Variants in DYNC2LI1 observed in about 807,000 individuals in gnomAD.
DYNC2LI1 encodes cytoplasmic dynein 2 light intermediate chain 1.
A neutral mutation model predicts 51.9 loss-of-function variants in DYNC2LI1; 45 were observed. The ratio of observed to expected loss-of-function variants is 0.87; its 90% CI spans 0.68 to 1.11. The LOEUF is 1.11. Ranked by LOEUF, DYNC2LI1 falls within the 50% of genes most tolerant of loss-of-function variation. The pLI is 0.00. For synonymous variants in DYNC2LI1, 130 were observed against 137.8 expected (o/e 0.94, Z 0.40); for missense variants, 490 against 417.4 (o/e 1.17, Z -1.51).
intron 2 of DYNC2LI1, among the ~76,000 whole-genome samples, chr2:43,782,009 CTA>C (rs1448774530): frequency 3.2e-5 from 4 of 126,680 alleles, no homozygotes; most frequent in South Asian, 2.4e-4. Flanking sequence ...TTGTTTCTGT[CTA>C]TGTGTGTGTG....
rs370968229 is a variant in DYNC2LI1 at position 43,783,500 on chromosome 2, C to G, written c.127-20C>G. 131 of 1,523,158 alleles carry G rather than the reference C, an allele frequency of 8.6e-5. No individual in the cohort carries two copies. The African/African-American group carries it at 1.7e-3, about 19-fold the overall frequency. The allele number at this position is 1,523,158 out of a possible 1,614,324, so 94.4% of individuals were successfully genotyped here. A position where few individuals can be genotyped will look rare whatever the true frequency, so the allele number is the denominator to read the frequency against. On this transcript the variant is annotated intron_variant, in intron 2 of 12. Coordinates refer to ENST00000260605, the MANE Select transcript of DYNC2LI1 (RefSeq NM_016008.4). ...ATATGAGTGACATTAACGCAGTGTTCCTTCTTTTTTAATTTCCAGGGAAAG... is the reference window on the plus strand; with the variant it reads ...ATATGAGTGACATTAACGCAGTGTTGCTTCTTTTTTAATTTCCAGGGAAAG...
chr2:43,790,840 A>G (rs753884644), intron 5 of DYNC2LI1, among the ~76,000 whole-genome samples: 43 of 152,294 alleles, frequency 2.8e-4, no homozygotes, highest in Non-Finnish European at 4.9e-4. Context: ...TTACAGTTAT[A>G]TAGTTTTTCA....
chr2:43,826,353 A>G, the DYNC2LI1 span: 9 of 1,612,508 alleles, frequency 5.6e-6, no homozygotes, highest in African/African-American at 1.3e-5. Context: ...CACACCATAG[A>G]CCCGGCCTTT....
At position 43,787,049 on chromosome 2, in the gene DYNC2LI1, C is replaced by T. The variant is rs867447311; in HGVS notation, c.162-132C>T. The T allele has an allele frequency of 1.2e-4, 70 of 605,598 alleles. No homozygotes were observed. The South Asian group carries it at 1.3e-3, about 11-fold the overall frequency. 37.5% of individuals were successfully genotyped at this position (605,598 alleles called of 1,614,324 possible). On this transcript the variant is annotated intron_variant, in intron 3 of 12. Coordinates refer to ENST00000260605, the MANE Select transcript of DYNC2LI1 (RefSeq NM_016008.4). ...TTTCTTTTGTGAATATAATTTATTTCAACGCTATTATACAAGGTAACTTCT... is the reference window on the plus strand; with the variant it reads ...TTTCTTTTGTGAATATAATTTATTTTAACGCTATTATACAAGGTAACTTCT...
In DYNC2LI1 at chr2:43,805,167, T is replaced by C. The variant is rs773067863; in HGVS notation, c.914T>C (p.Leu305Pro). The C allele has an allele frequency of 2.9e-5, 46 of 1,609,886 alleles. No homozygotes were observed. The highest frequency in any genetic ancestry group is 3.9e-5 in the Non-Finnish European group (46 of 1,177,350). The change falls in exon 12 of 13, where the codon CTG becomes CCG. Residue 305 changes from leucine (L) to proline (P), a missense_variant. Physicochemically the swap from Leu to Pro is moderately conservative, Grantham distance 98 (BLOSUM62 -3). Transcript: ENST00000260605. The stretch of plus-strand genomic sequence containing the variant: ...TTGTAATTTCAGAGTATTAACACGC[T>C]GAAAGATATCAAGGACCCTGCGAGA... ...KLFPPKSINT[L>P]KDIKDPARDP...
the DYNC2LI1 span, chr2:43,825,075 A>C: frequency 1.2e-6 from 2 of 1,600,038 alleles, no homozygotes; most frequent in Non-Finnish European, 1.7e-6. Flanking sequence ...ATGCACTTTG[A>C]ATGTCTCTGG....
At chr2:43,792,816 G>C (rs1377606493) in intron 5 of DYNC2LI1, 3 of 1,518,980 alleles carry the variant, frequency 2.0e-6, no homozygotes, top group Non-Finnish European at 2.6e-6. Context: ...TCCGTTTGTA[G>C]TATGTGTCAG....
the DYNC2LI1 span, chr2:43,824,838 T>G: frequency 1.9e-6 from 3 of 1,608,210 alleles, no homozygotes; most frequent in East Asian, 4.5e-5. Flanking sequence ...AAGTCTGAGA[T>G]GAGAAAGTTT....
At chr2:43,825,035 C>T in the DYNC2LI1 span, 222 of 1,612,800 alleles carry the variant, frequency 1.4e-4, 1 homozygote, top group Middle Eastern at 6.6e-4. Context: ...AGACAACAGA[C>T]GTAGTTAGTG....
chr2:43,774,927 A>C (rs1323753744), intron 1 of DYNC2LI1, among the ~76,000 whole-genome samples: 1 of 152,238 alleles, frequency 6.6e-6, no homozygotes, highest in Non-Finnish European at 1.5e-5. Flanking sequence ...AATGAAGAGC[A>C]AACAGCCCGA....
intron 6 of DYNC2LI1, 145 bp from the exon 7 acceptor site, chr2:43,795,745 A>C (rs1674005674): frequency 1.6e-6 from 1 of 640,222 alleles, no homozygotes; most frequent in African/African-American, 1.9e-5. Flanking sequence ...TGAAAGTTAA[A>C]TATTAGAACA....
At chr2:43,788,312 T>C (rs1229694232) in intron 4 of DYNC2LI1, among the ~76,000 whole-genome samples, 6 of 152,178 alleles carry the variant, frequency 3.9e-5, no homozygotes, top group Non-Finnish European at 5.9e-5. Flanking sequence ...AAATCCAAAA[T>C]AATATATATT....
chr2:43,809,422 GAC>G (rs2104729354), intron 12 of DYNC2LI1, among the ~76,000 whole-genome samples: 1 of 152,318 alleles, frequency 6.6e-6, no homozygotes, highest in Admixed American at 6.5e-5. Flanking sequence ...TTAGTTGAAA[GAC>G]AATTCATATG....
Position 43,789,707 on chromosome 2 carries a change from A to G in DYNC2LI1, c.306A>G (p.Thr102=). The part of the protein sequence containing the change: ...SLLDLISIPI[T]GDTLRTFSLV... ...TGGACTTAATCAGCATACCCATCACAGGTGACACCTTACGGTAAGTGAGCC... is the reference window on the plus strand; with the variant it reads ...TGGACTTAATCAGCATACCCATCACGGGTGACACCTTACGGTAAGTGAGCC... The change falls in exon 5 of 13, where the codon ACA becomes ACG. Residue 102 remains threonine (T), a synonymous_variant. Coordinates refer to ENST00000260605, the MANE Select transcript of DYNC2LI1 (RefSeq NM_016008.4). 2 of 1,613,844 alleles carry G rather than the reference A, an allele frequency of 1.2e-6. No individual in the cohort carries two copies. The highest frequency in any genetic ancestry group is 1.7e-6 in the Non-Finnish European group (2 of 1,179,818).
At chr2:43,820,283 A>G in the DYNC2LI1 span, among the ~76,000 whole-genome samples, 1,337 of 152,286 alleles carry the variant, frequency 8.8e-3, 23 homozygotes, top group African/African-American at 0.031. Context: ...TATTATATCA[A>G]ATTGTTCCCA....
At chr2:43,827,755 C>T in the DYNC2LI1 span, among the ~76,000 whole-genome samples, 10 of 152,306 alleles carry the variant, frequency 6.6e-5, no homozygotes, top group East Asian at 1.5e-3. Context: ...AACACCAATG[C>T]AACGCTTCCG....
At chr2:43,821,431 A>C in the DYNC2LI1 span, among the ~76,000 whole-genome samples, 4 of 152,270 alleles carry the variant, frequency 2.6e-5, no homozygotes, top group South Asian at 8.3e-4. Context: ...TCTTGGACTT[A>C]AATATTACTC....
chr2:43,798,539 C>T lies in DYNC2LI1; in HGVS notation c.654+1744C>T, dbSNP rs374816561. On this transcript the variant is annotated intron_variant, in intron 8 of 12. Transcript: ENST00000260605. The stretch of plus-strand genomic sequence containing the variant: ...GGTTATAAAGTTAGCTGAGGGAAAT[C>T]CCTGTATTTCTTTAGGAACAGATTA... Among the ~76,000 whole-genome samples, 38 of 152,216 alleles carry T rather than the reference C, an allele frequency of 2.5e-4. No homozygotes were observed. The East Asian group carries it at 2.5e-3, about 10-fold the overall frequency.
In DYNC2LI1 at chr2:43,789,306, C is replaced by T. The variant is rs558938490; in HGVS notation, c.232-327C>T. Among the ~76,000 whole-genome samples the T allele has an allele frequency of 9.9e-5, 15 of 152,150 alleles. No homozygotes were observed. The East Asian group carries it at 2.1e-3, about 22-fold the overall frequency. On this transcript the variant is annotated intron_variant, in intron 4 of 12. Coordinates refer to ENST00000260605, the MANE Select transcript of DYNC2LI1 (RefSeq NM_016008.4). ...AAAAGATAATACGAAATTTGTTGAA[C>T]GGGTTAATTTTTATCTAAAATCTGC...
Sources: allele counts gnomAD v4.1 joint callset (sites outside exome capture counted in the v4.1 genomes callset), GRCh38; gene constraint gnomAD v4.1.1; transcripts MANE v1.5; gene names NCBI Gene and HGNC (gene_info 2026-07-23, HGNC 2026-07-21).